Variants in TLN2 observed in about 807,000 individuals in gnomAD.
TLN2 encodes the protein talin-2.
TLN2 carries 118 observed loss-of-function variants against 294.7 expected under a neutral mutation model. That is an observed-to-expected ratio of 0.40 (90% CI 0.34 to 0.47). The LOEUF (loss-of-function observed/expected upper bound fraction) is 0.47, where lower values mean the gene tolerates loss of function less well. Among genes scored for constraint, TLN2 ranks in the 20% least tolerant of loss-of-function variants. The pLI, the probability that TLN2 is intolerant of heterozygous loss-of-function variation, is 0.84. For synonymous variants in TLN2, 1,431 were observed against 1,304.5 expected (o/e 1.10, Z -2.09); for missense variants, 3,083 against 3,282.2 (o/e 0.94, Z 1.48).
intron 45 of TLN2, among the ~76,000 whole-genome samples, chr15:62,786,166 C>G (rs537809277): frequency 1.3e-5 from 2 of 152,216 alleles, no homozygotes; most frequent in African/African-American, 4.8e-5. Context: ...TTAGGAGATC[C>G]CTGAAGCAAT....
At chr15:62,495,547 A>G (rs778539377) in intron 1 of TLN2, among the ~76,000 whole-genome samples, 1 of 152,220 alleles carries the variant, frequency 6.6e-6, no homozygotes, top group Non-Finnish European at 1.5e-5. Context: ...GGAAAGAATG[A>G]CTTTTAATGA....
At chr15:62,800,584 G>C (rs1304697037) in intron 49 of TLN2, 69 bp from the exon 50 acceptor site, 4 of 1,609,778 alleles carry the variant, frequency 2.5e-6, no homozygotes, top group African/African-American at 1.3e-5. Context: ...ATGCGATCCA[G>C]AAGTAAAAGG....
chr15:62,398,099 A>T (rs902106967), intron 1 of TLN2, among the ~76,000 whole-genome samples: 3 of 152,132 alleles, frequency 2.0e-5, no homozygotes, highest in African/African-American at 7.2e-5. Flanking sequence ...CTCATCTTGA[A>T]CTGTAGTTGC....
intron 51 of TLN2, among the ~76,000 whole-genome samples, chr15:62,807,715 C>G (rs965650309): frequency 6.6e-6 from 1 of 152,182 alleles, no homozygotes; most frequent in Non-Finnish European, 1.5e-5. Context: ...CTCAGCCCCT[C>G]TCTGTCATCT....
chr15:62,510,513 A>G (rs1238801778), intron 1 of TLN2, among the ~76,000 whole-genome samples: 4 of 152,384 alleles, frequency 2.6e-5, no homozygotes, highest in Non-Finnish European at 4.4e-5. Flanking sequence ...TGCCCAACAC[A>G]TAGTAAAACA....
chr15:62,413,825 A>G (rs76694170), intron 1 of TLN2, among the ~76,000 whole-genome samples: 1,816 of 152,294 alleles, frequency 0.012, 31 homozygotes, highest in African/African-American at 0.041. Context: ...AGCCTTTGAC[A>G]TTTATGTTGC....
At position 62,556,835 on chromosome 15, in the gene TLN2, C is replaced by T. The variant is rs2042631856; in HGVS notation, c.-237-32852C>T. The stretch of plus-strand genomic sequence containing the variant: ...TTAATGGGGCACTATGTATAACTCA[C>T]CATTTGTTTTCTCATTTCCATACAT... On this transcript the variant is annotated intron_variant, in intron 1 of 58. Transcript: ENST00000636159. Among the ~76,000 whole-genome samples, 3 of 152,122 alleles carry T rather than the reference C, an allele frequency of 2.0e-5. No individual in the cohort carries two copies. The South Asian group carries it at 6.2e-4, about 32-fold the overall frequency.
chr15:62,657,928 C>T, intron 9 of TLN2, 30 bp downstream of exon 9: 1 of 1,598,074 alleles, frequency 6.3e-7, no homozygotes, highest in Non-Finnish European at 8.5e-7. Flanking sequence ...TCTTTTTTCT[C>T]TTTTCTCCTG....
chr15:62,687,705 A>G (rs1415886591), intron 12 of TLN2: 1 of 152,194 alleles, frequency 6.6e-6, no homozygotes, highest in African/African-American at 2.4e-5. Flanking sequence ...TCATAATAGG[A>G]CATCAGAAAA....
intron 1 of TLN2, among the ~76,000 whole-genome samples, chr15:62,423,769 T>A (rs773475706): frequency 6.6e-6 from 1 of 152,108 alleles, no homozygotes; most frequent in Non-Finnish European, 1.5e-5. Flanking sequence ...TTGTAGAGAC[T>A]GGGTTTCTCC....
chr15:62,560,901 C>T (rs1056747241), intron 1 of TLN2, among the ~76,000 whole-genome samples: 19 of 152,218 alleles, frequency 1.2e-4, no homozygotes, highest in African/African-American at 3.6e-4. Flanking sequence ...CAGGAGGCAA[C>T]GAGGGTGCTG....
intron 20 of TLN2, among the ~76,000 whole-genome samples, chr15:62,707,855 T>C (rs1444033818): frequency 6.6e-6 from 1 of 152,034 alleles, no homozygotes; most frequent in Non-Finnish European, 1.5e-5. Context: ...CAAATACGCT[T>C]TCCCCTCTAC....
At chr15:62,638,290 G>C (rs540625768) in intron 3 of TLN2, 1 of 342,820 alleles carries the variant, frequency 2.9e-6, no homozygotes, top group South Asian at 2.4e-5. Context: ...ATAAAGGGCA[G>C]CACTCAGCTC....
At chr15:62,398,006 C>T (rs2032698081) in intron 1 of TLN2, among the ~76,000 whole-genome samples, 2 of 152,130 alleles carry the variant, frequency 1.3e-5, no homozygotes, top group Admixed American at 1.3e-4. Context: ...GAACTAGCTA[C>T]CTCTCTTCCA....
Position 62,783,908 on chromosome 15 carries a change from C to A in TLN2, c.5736+18C>A, listed in dbSNP as rs769881966. ...CAGAGGAGGTCTGCCACCTTAAGAC[C>A]CCTATTTTAAGATGCACACACACAC... On this transcript the variant is annotated intron_variant, in intron 45 of 58. Coordinates refer to ENST00000636159, the MANE Select transcript of TLN2 (RefSeq NM_015059.3). 7 of 1,613,236 alleles carry A rather than the reference C, an allele frequency of 4.3e-6. No homozygotes were observed. The highest frequency in any genetic ancestry group is 1.7e-4 in the Middle Eastern group (1 of 5,992).
rs1421698949 is a variant in TLN2 at position 62,825,761 on chromosome 15, A to AT, written c.7002+5151_7002+5152insT. ...TTTTATATATATTAAATATAATTAT[A>AT]ATTATATATTATATAATATATTATA... On this transcript the variant is annotated intron_variant, in intron 54 of 58. Coordinates refer to ENST00000636159, the MANE Select transcript of TLN2 (RefSeq NM_015059.3). Among the ~76,000 whole-genome samples, 515 of 87,226 alleles carry AT rather than the reference A, an allele frequency of 5.9e-3. 8 individuals carry two copies. Among genetic ancestry groups the AT allele is most frequent in the African/African-American group, 7.3e-3 (117 of 15,966 alleles). The allele number at this position is 87,226 out of a possible 152,430, so 57.2% of individuals were successfully genotyped here. A position where few individuals can be genotyped will look rare whatever the true frequency, so the allele number is the denominator to read the frequency against.
rs1221516641 is a variant in TLN2, at chr15:62,491,349, TATACAC to T, written c.-237-98336_-237-98331del. Among the ~76,000 whole-genome samples the T allele has an allele frequency of 8.3e-3, 699 of 84,500 alleles. 4 individuals are homozygous for T. Among genetic ancestry groups the T allele is most frequent in the African/African-American group, 0.028 (460 of 16,490 alleles). 55.4% of individuals were successfully genotyped at this position (84,500 alleles called of 152,430 possible). A position where few individuals can be genotyped will look rare whatever the true frequency, so the allele number is the denominator to read the frequency against. ...CTCAAAAAAAAAAAATATATATATA[TATACAC>T]ACACACACACACACACACACACACA... is the stretch of plus-strand genomic sequence containing the variant. On this transcript the variant is annotated intron_variant, in intron 1 of 58. Transcript: ENST00000636159.
intron 1 of TLN2, among the ~76,000 whole-genome samples, chr15:62,536,955 A>G (rs560579720): frequency 3.1e-4 from 47 of 152,062 alleles, no homozygotes; most frequent in African/African-American, 1.1e-3. Flanking sequence ...AGAATGTACA[A>G]TAAGTTCTGG....
intron 1 of TLN2, among the ~76,000 whole-genome samples, chr15:62,435,947 G>A (rs1164333964): frequency 6.6e-6 from 1 of 152,162 alleles, no homozygotes; most frequent in Non-Finnish European, 1.5e-5. Flanking sequence ...TTTGTTTTAT[G>A]TAGTCAAATT....
Sources: allele counts gnomAD v4.1 joint callset (sites outside exome capture counted in the v4.1 genomes callset), GRCh38; gene constraint gnomAD v4.1.1; transcripts MANE v1.5; gene names NCBI Gene and HGNC (gene_info 2026-07-23, HGNC 2026-07-21).